The following DIXDC1 variants were observed in gnomAD, a reference collection of about 807,000 sequenced individuals.
DIXDC1 encodes DIX domain containing 1.
Under a neutral mutation model 103.1 loss-of-function variants are expected in DIXDC1, and 64 were observed. That is an observed-to-expected ratio of 0.62 (90% CI 0.51 to 0.76). The LOEUF (loss-of-function observed/expected upper bound fraction) is 0.76, where lower values mean the gene tolerates loss of function less well. DIXDC1 is among the 30% of genes least tolerant of loss of function. The pLI, the probability that DIXDC1 is intolerant of heterozygous loss-of-function variation, is 0.00. For synonymous variants in DIXDC1, 266 were observed against 298.5 expected (o/e 0.89, Z 1.12); for missense variants, 759 against 834.2 (o/e 0.91, Z 1.11).
chr11:111,995,283 C>G, intron 15 of DIXDC1, 120 bp from the exon 16 acceptor site: 1 of 1,418,352 alleles, frequency 7.1e-7, no homozygotes, highest in Non-Finnish European at 9.6e-7. Context: ...AGTGGGCAAA[C>G]CATAGGCCTG....
intron 3 of DIXDC1, among the ~76,000 whole-genome samples, chr11:111,972,925 G>C (rs972439541): frequency 4.0e-5 from 6 of 151,452 alleles, no homozygotes; most frequent in Admixed American, 1.3e-4. Context: ...TGGGCGTGGT[G>C]GTGGGCACCT....
intron 17 of DIXDC1, among the ~76,000 whole-genome samples, chr11:112,006,306 C>T (rs930892879): frequency 1.3e-5 from 2 of 152,218 alleles, no homozygotes; most frequent in East Asian, 3.9e-4. Context: ...GCGGAGCCCA[C>T]CACAGCTCAG....
intron 1 of DIXDC1, among the ~76,000 whole-genome samples, chr11:111,947,346 T>C (rs1966631670): frequency 6.6e-6 from 1 of 152,182 alleles, no homozygotes; most frequent in Admixed American, 6.5e-5. Flanking sequence ...GTAAAAGGCA[T>C]ATGGTATTTC....
Position 112,019,768 on chromosome 11 carries a change from A to T in DIXDC1, c.*732A>T, listed in dbSNP as rs1021477244. 16 of 152,324 alleles carry T rather than the reference A, an allele frequency of 1.1e-4. No homozygotes were observed. The highest frequency in any genetic ancestry group is 1.0e-3 in the Admixed American group (16 of 15,266). 9.4% of individuals were successfully genotyped at this position (152,324 alleles called of 1,614,324 possible). A position where few individuals can be genotyped will look rare whatever the true frequency, so the allele number is the denominator to read the frequency against. On this transcript the variant is annotated 3_prime_UTR_variant, in exon 20 of 20. Coordinates refer to ENST00000440460, the MANE Select transcript of DIXDC1 (RefSeq NM_001037954.4). ...GTTAGTTTTCTCTGGGGACTCTTTA[A>T]CTTTAGAGCCATTTCTTTTTCTTCA...
At chr11:112,000,694 T>TAA (rs1213037054) in intron 17 of DIXDC1, among the ~76,000 whole-genome samples, 1 of 118,194 alleles carries the variant, frequency 8.5e-6, no homozygotes. Context: ...AGATTCTGTC[T>TAA]AAAAAAAAAA....
At chr11:111,946,598 T>TG in intron 1 of DIXDC1, 1 of 205,302 alleles carries the variant, frequency 4.9e-6, no homozygotes, top group Admixed American at 4.7e-5. Flanking sequence ...TGGCCTCAAG[T>TG]GATCTGCCTA....
Position 111,998,413 on chromosome 11 carries a change from C to T in DIXDC1, c.1756+2267C>T, listed in dbSNP as rs1860966707. On this transcript the variant is annotated intron_variant, in intron 17 of 19. Coordinates refer to ENST00000440460, the MANE Select transcript of DIXDC1 (RefSeq NM_001037954.4). This position sits in a 1 kb window ranked among gnomAD's most constrained non-coding sequence, Gnocchi z 4.1. The stretch of plus-strand genomic sequence containing the variant: ...ATCCAATTGAAGCCTAAACCTAAGC[C>T]TTTTCATATTGTCTTTGGCGTCAGG... Among the ~76,000 whole-genome samples the T allele has an allele frequency of 6.6e-6, 1 of 152,202 alleles. No individual in the cohort carries two copies. The highest frequency in any genetic ancestry group is 6.5e-5 in the Admixed American group (1 of 15,276).
At chr11:111,937,618 C>G (rs936460530) in intron 1 of DIXDC1, 59 bp downstream of exon 1, 4 of 1,518,534 alleles carry the variant, frequency 2.6e-6, no homozygotes, top group Middle Eastern at 1.7e-4. Context: ...CCCGCCCAGT[C>G]TCCGGAAGGG....
chr11:111,967,544 A>T (rs1555171695), intron 2 of DIXDC1, among the ~76,000 whole-genome samples: 1 of 151,918 alleles, frequency 6.6e-6, no homozygotes, highest in East Asian at 1.9e-4. Context: ...CTTCAGACTG[A>T]TCTCCCTGTT....
chr11:111,982,385 T>C lies in DIXDC1; in HGVS notation c.816T>C (p.Pro272=). The C allele has an allele frequency of 6.2e-7, 1 of 1,613,958 alleles. No homozygotes were observed. Among genetic ancestry groups the C allele is most frequent in the Non-Finnish European group, 8.5e-7 (1 of 1,179,868 alleles). The change falls in exon 7 of 20, where the codon CCT becomes CCC. Residue 272 remains proline (P), a synonymous_variant. Coordinates refer to ENST00000440460, the MANE Select transcript of DIXDC1 (RefSeq NM_001037954.4). ...CTCGAGACTGGCGGCCAGGGAGCCC[T>C]GGAACCTATCTGGAGACCTCATGGG... is the stretch of plus-strand genomic sequence containing the variant. ...PLSRDWRPGS[P]GTYLETSWEE...
At chr11:111,954,664 A>G (rs1321578193) in intron 1 of DIXDC1, among the ~76,000 whole-genome samples, 2 of 152,208 alleles carry the variant, frequency 1.3e-5, no homozygotes, top group African/African-American at 4.8e-5. Flanking sequence ...CCTTATACAA[A>G]TACTCTATTG....
intron 1 of DIXDC1, among the ~76,000 whole-genome samples, chr11:111,955,670 A>C (rs1462525875): frequency 6.6e-6 from 1 of 151,516 alleles, no homozygotes; most frequent in South Asian, 2.1e-4. Context: ...CCCCATCTCT[A>C]CTAAAAATAC....
intron 14 of DIXDC1, among the ~76,000 whole-genome samples, chr11:111,993,994 G>C (rs1860796605): frequency 6.6e-6 from 1 of 152,164 alleles, no homozygotes; most frequent in Non-Finnish European, 1.5e-5. Context: ...GGAAATAATA[G>C]TGATTCAGTC....
At chr11:111,968,962 T>C (rs2137520683) in intron 3 of DIXDC1, among the ~76,000 whole-genome samples, 1 of 151,944 alleles carries the variant, frequency 6.6e-6, no homozygotes, top group Non-Finnish European at 1.5e-5. Context: ...TTAGTAGATA[T>C]GGGGTCTCAC....
intron 7 of DIXDC1, among the ~76,000 whole-genome samples, chr11:111,984,018 G>A (rs1341434264): frequency 2.6e-5 from 4 of 152,088 alleles, no homozygotes; most frequent in African/African-American, 9.7e-5. Flanking sequence ...AGCTCCCCGC[G>A]GCCCTGGCTT....
intron 10 of DIXDC1, among the ~76,000 whole-genome samples, chr11:111,989,357 G>T (rs1451471907): frequency 6.6e-6 from 1 of 152,154 alleles, no homozygotes; most frequent in Non-Finnish European, 1.5e-5. Flanking sequence ...GGGCGCGGTG[G>T]CTCACGCCTG....
intron 1 of DIXDC1, among the ~76,000 whole-genome samples, chr11:111,943,506 T>TG (rs1966489324): frequency 6.9e-6 from 1 of 145,698 alleles, no homozygotes; most frequent in African/African-American, 2.6e-5. Flanking sequence ...TTTTTTTTTT[T>TG]TTTTGTTTTT....
At chr11:111,955,519 G>A (rs1555170477) in intron 1 of DIXDC1, among the ~76,000 whole-genome samples, 2 of 151,748 alleles carry the variant, frequency 1.3e-5, no homozygotes, top group African/African-American at 4.8e-5. Context: ...TCCACTTCTG[G>A]GTATATATTG....
chr11:111,937,622 G>A (rs1470261346), intron 1 of DIXDC1, 63 bp downstream of exon 1: 4 of 1,509,260 alleles, frequency 2.7e-6, no homozygotes, highest in Non-Finnish European at 3.6e-6. Context: ...CCCAGTCTCC[G>A]GAAGGGGTCC....
Sources: allele counts gnomAD v4.1 joint callset (sites outside exome capture counted in the v4.1 genomes callset), GRCh38; gene constraint gnomAD v4.1.1; non-coding constraint Gnocchi (gnomAD v3.1); transcripts MANE v1.5; gene names NCBI Gene and HGNC (gene_info 2026-07-23, HGNC 2026-07-21).